OCLN: variants seen among roughly 807,000 people sequenced by gnomAD.
OCLN encodes occludin, also known as phosphatase 1, regulatory subunit 115.
OCLN carries 21 observed loss-of-function variants against 47.9 expected under a neutral mutation model. The ratio of observed to expected loss-of-function variants is 0.44; its 90% CI spans 0.31 to 0.63. OCLN has a LOEUF of 0.63. Among genes scored for constraint, OCLN ranks in the 30% least tolerant of loss-of-function variants. OCLN has a pLI of 0.08. For missense variants in OCLN, 360 were observed against 571.0 expected (o/e 0.63, Z 3.77); for synonymous variants, 117 against 198.4 (o/e 0.59, Z 3.45).
intron 5 of OCLN, among the ~76,000 whole-genome samples, chr5:69,536,708 C>A (rs1294346908): frequency 2.0e-5 from 3 of 151,536 alleles, no homozygotes; most frequent in African/African-American, 7.3e-5. Flanking sequence ...GTGGCTCACC[C>A]CTGTAATCCC....
At position 69,509,539 on chromosome 5, in the gene OCLN, T is replaced by C; in HGVS notation, c.449T>C (p.Ile150Thr). The C allele has an allele frequency of 1.2e-6, 2 of 1,614,184 alleles. No individual in the cohort carries two copies. Among genetic ancestry groups the C allele is most frequent in the Non-Finnish European group, 1.7e-6 (2 of 1,180,026 alleles). Residue 150 changes from isoleucine to threonine, a missense_variant, in exon 3 of 9, where the codon ATT (isoleucine) becomes ACT (threonine). Ile to Thr is a moderately conservative substitution (Grantham distance 89). Coordinates refer to ENST00000396442, the MANE Select transcript of OCLN (RefSeq NM_001205254.2). ...TTGGCCATGGCTGCCTTTTGTTTCA[T>C]TGCCGCGTTGGTGATCTTTGTTACC... ...FMLAMAAFCF[I>T]AALVIFVTSV...
At position 69,533,068 on chromosome 5, in the gene OCLN, TAC is replaced by T. The variant is rs1375726898; in HGVS notation, c.892-1618_892-1617del. Among the ~76,000 whole-genome samples, 19 of 146,456 alleles carry T rather than the reference TAC, an allele frequency of 1.3e-4. No individual in the cohort carries two copies. The East Asian group carries it at 2.7e-3, about 21-fold the overall frequency. The stretch of plus-strand genomic sequence containing the variant: ...ATATACACATATATACATATATATA[TAC>T]ACACACATATATATATATACACACA... On this transcript the variant is annotated intron_variant, in intron 4 of 8. Transcript: ENST00000396442.
intron 4 of OCLN, among the ~76,000 whole-genome samples, chr5:69,531,794 T>C (rs1769438868): frequency 6.6e-6 from 1 of 152,228 alleles, no homozygotes; most frequent in Non-Finnish European, 1.5e-5. Context: ...TATCTTTCTG[T>C]ATGTGATACT....
At chr5:69,530,907 T>G (rs1769411812) in intron 4 of OCLN, among the ~76,000 whole-genome samples, 1 of 152,192 alleles carries the variant, frequency 6.6e-6, no homozygotes, top group African/African-American at 2.4e-5. Context: ...GAGGTAAACT[T>G]TATGCAGCAA....
intron 4 of OCLN, among the ~76,000 whole-genome samples, chr5:69,516,168 C>G (rs1201016446): frequency 6.6e-6 from 1 of 151,732 alleles, no homozygotes; most frequent in Admixed American, 6.6e-5. Flanking sequence ...GAGGTTGTAG[C>G]GAGCCGAGAT....
chr5:69,496,610 TGCCCA>T (rs901896483), intron 1 of OCLN, among the ~76,000 whole-genome samples: 7 of 150,250 alleles, frequency 4.7e-5, no homozygotes, highest in African/African-American at 1.7e-4. Context: ...CTTACTCTGT[TGCCCA>T]GCCTGATCTT....
At chr5:69,510,696 T>C (rs1768758695) in intron 3 of OCLN, among the ~76,000 whole-genome samples, 1 of 152,008 alleles carries the variant, frequency 6.6e-6, no homozygotes, top group South Asian at 2.1e-4. Flanking sequence ...AAAAAAAGAA[T>C]CATGCTATAG....
At chr5:69,524,110 G>C (rs1370710422) in intron 4 of OCLN, among the ~76,000 whole-genome samples, 4 of 152,190 alleles carry the variant, frequency 2.6e-5, no homozygotes, top group African/African-American at 9.6e-5. Context: ...ATGTGCCACT[G>C]CACTTCAGGC....
intron 1 of OCLN, among the ~76,000 whole-genome samples, chr5:69,503,167 C>G (rs1224973272): frequency 6.6e-6 from 1 of 152,156 alleles, no homozygotes; most frequent in Non-Finnish European, 1.5e-5. Context: ...CTTCTGTCTC[C>G]TAAGCTAGTC....
At chr5:69,512,027 A>AG (rs1185359087) in intron 3 of OCLN, among the ~76,000 whole-genome samples, 2 of 45,372 alleles carry the variant, frequency 4.4e-5, no homozygotes, top group African/African-American at 1.0e-4. Flanking sequence ...CTGTCTCAAA[A>AG]AAAAAAAAAA....
intron 4 of OCLN, among the ~76,000 whole-genome samples, chr5:69,529,729 A>C (rs1056006027): frequency 2.0e-5 from 3 of 151,946 alleles, no homozygotes; most frequent in African/African-American, 7.3e-5. Flanking sequence ...TCAGCCACCA[A>C]GTAGCTGGGA....
intron 4 of OCLN, among the ~76,000 whole-genome samples, chr5:69,522,928 A>G (rs187829786): frequency 3.1e-5 from 3 of 98,260 alleles, no homozygotes; most frequent in African/African-American, 8.0e-5. Context: ...AGAGTTCGCT[A>G]TGTCGCCCAG....
At chr5:69,497,345 T>A (rs980836172) in intron 1 of OCLN, among the ~76,000 whole-genome samples, 2 of 152,018 alleles carry the variant, frequency 1.3e-5, no homozygotes, top group Non-Finnish European at 2.9e-5. Flanking sequence ...AAACATTTCC[T>A]GTTTTTCCAA....
intron 1 of OCLN, among the ~76,000 whole-genome samples, chr5:69,496,331 C>T (rs1414782274): frequency 6.6e-6 from 1 of 152,042 alleles, no homozygotes; most frequent in Non-Finnish European, 1.5e-5. Flanking sequence ...ATCTCCTGAC[C>T]TCGTGATCCT....
chr5:69,493,546 G>A lies in OCLN; in HGVS notation c.-69+646G>A, dbSNP rs1768203305. On this transcript the variant is annotated intron_variant, in intron 1 of 8. Transcript: ENST00000396442. This position sits in a 1 kb window ranked among gnomAD's most constrained non-coding sequence, Gnocchi z 5.3. ...CGCGTCGATTTAAGCTGGGGGGCGG[G>A]GAGTTAATTTCGAGTGAGGCTGGAC... Among the ~76,000 whole-genome samples the A allele has an allele frequency of 6.6e-6, 1 of 152,176 alleles. No individual in the cohort carries two copies. The highest frequency in any genetic ancestry group is 2.4e-5 in the African/African-American group (1 of 41,438).
At chr5:69,533,000 T>TGTGTGC (rs1491394975) in intron 4 of OCLN, among the ~76,000 whole-genome samples, 1 of 6,110 alleles carries the variant, frequency 1.6e-4, no homozygotes, top group Non-Finnish European at 3.7e-4. Flanking sequence ...TATGCATGTA[T>TGTGTGC]GTGTGTGTGT....
At chr5:69,534,880 A>G in intron 5 of OCLN, 41 bp downstream of exon 5, 3 of 1,551,186 alleles carry the variant, frequency 1.9e-6, no homozygotes, top group Non-Finnish European at 2.6e-6. Context: ...TGAGTGTAAA[A>G]ATGAGTATTT....
Position 69,514,011 on chromosome 5 carries a change from G to C in OCLN, c.793G>C (p.Val265Leu). 1 of 1,613,742 alleles carries C rather than the reference G, an allele frequency of 6.2e-7. No homozygotes were observed. Among genetic ancestry groups the C allele is most frequent in the Non-Finnish European group, 8.5e-7 (1 of 1,179,670 alleles). Reference sequence around the variant, plus strand: ...TTTTGCTTTAATAATTTTCTTTGCTGTGAAAACTCGAAGAAAGATGGACAG... The same window carrying C: ...TTTTGCTTTAATAATTTTCTTTGCTCTGAAAACTCGAAGAAAGATGGACAG... ...VAFALIIFFAVKTRRKMDRYD... is the reference protein window; with the variant it reads ...VAFALIIFFALKTRRKMDRYD... The change falls in exon 4 of 9, where the codon GTG becomes CTG. Residue 265 changes from valine to leucine, a missense_variant. By Grantham distance (32) the Val-to-Leu change is conservative. This residue lies in a region of OCLN where 314 missense variants were observed against 368.1 expected (regional missense o/e 0.85). Coordinates refer to ENST00000396442, the MANE Select transcript of OCLN (RefSeq NM_001205254.2).
At chr5:69,522,391 T>G (rs1036703367) in intron 4 of OCLN, among the ~76,000 whole-genome samples, 11 of 152,208 alleles carry the variant, frequency 7.2e-5, no homozygotes, top group Admixed American at 5.9e-4. Flanking sequence ...CTTGTTTTTA[T>G]TTTCGCCCAA....
Sources: gnomAD v4.1 joint callset for allele counts (sites outside exome capture counted in the v4.1 genomes callset) on GRCh38, gnomAD v4.1.1 for gene constraint, gnomAD v4.1.1 regional missense constraint, Gnocchi (gnomAD v3.1) non-coding constraint, MANE v1.5 for transcripts, NCBI Gene and HGNC (gene_info 2026-07-23, HGNC 2026-07-21) for gene names.